MED25: variants seen among roughly 807,000 people sequenced by gnomAD.
MED25 encodes the protein mediator of RNA polymerase II transcription subunit 25.
A neutral mutation model predicts 89.4 loss-of-function variants in MED25; 62 were observed. The ratio of observed to expected loss-of-function variants is 0.69; its 90% CI spans 0.57 to 0.86. The LOEUF (loss-of-function observed/expected upper bound fraction) is 0.86, where lower values mean the gene tolerates loss of function less well. MED25 is among the 40% of genes least tolerant of loss of function. The pLI, the probability that MED25 is intolerant of heterozygous loss-of-function variation, is 0.00. For missense variants in MED25, 905 were observed against 1,005.2 expected (o/e 0.90, Z 1.35); for synonymous variants, 449 against 427.9 (o/e 1.05, Z -0.61).
In MED25 at chr19:49,829,223, C is replaced by T. The variant is rs115176498; in HGVS notation, c.525+133C>T. On this transcript the variant is annotated intron_variant, in intron 5 of 17. Transcript: ENST00000312865. This position sits in a 1 kb window ranked among gnomAD's most constrained non-coding sequence, Gnocchi z 4.6. ...GGGGGCCTGGACTCTTGGGTCTAAGCGGGGAGGCACTGGGGGCCTGGACTC... is the reference window on the plus strand; with the variant it reads ...GGGGGCCTGGACTCTTGGGTCTAAGTGGGGAGGCACTGGGGGCCTGGACTC... 452 of 757,210 alleles carry T rather than the reference C, an allele frequency of 6.0e-4. 2 individuals are homozygous for T. In the African/African-American group the frequency reaches 6.8e-3, roughly 11 times the overall value. 46.9% of individuals were successfully genotyped at this position (757,210 alleles called of 1,614,324 possible). A position where few individuals can be genotyped will look rare whatever the true frequency, so the allele number is the denominator to read the frequency against.
chr19:49,830,417 T>A lies in MED25; in HGVS notation c.820-94T>A. ...GAGCTAAGCTATCCCAGCTGGTGCC[T>A]CATGGGGCCATGGGTGGTGTGACCT... On this transcript the variant is annotated intron_variant, in intron 7 of 17. Transcript: ENST00000312865. This position sits in a 1 kb window ranked among gnomAD's most constrained non-coding sequence, Gnocchi z 4.6. The A allele has an allele frequency of 7.4e-7, 1 of 1,342,776 alleles. No homozygotes were observed. The highest frequency in any genetic ancestry group is 1.1e-6 in the Non-Finnish European group (1 of 944,394). The allele number at this position is 1,342,776 out of a possible 1,614,324, so 83.2% of individuals were successfully genotyped here.
rs777821434 is a variant in MED25 at position 49,819,163 on chromosome 19, C to T, written c.181-9C>T. 9 of 1,614,002 alleles carry T rather than the reference C, an allele frequency of 5.6e-6. No homozygotes were observed. In the Admixed American group the frequency reaches 6.7e-5, roughly 12 times the overall value. On this transcript the variant is annotated splice_polypyrimidine_tract_variant and intron_variant, in intron 2 of 17. Transcript: ENST00000312865. ...CCCAGATTAAAAGTTTTCTGTCCTC[C>T]CCTCCCAGTATGGGGGGACCCAGTA...
At position 49,829,883 on chromosome 19, in the gene MED25, A is replaced by G; in HGVS notation, c.623A>G (p.Gln208Arg). ...AAPPALLEPL[Q>R]PPTDVSQDPR... is the part of the protein sequence containing the mutation. ...CCCCCGGCCTTGCTGGAGCCGCTGC[A>G]GCCTCCGACAGATGTGAGCCAGGAC... Residue 208 changes from glutamine to arginine, a missense_variant, in exon 6 of 18, where the codon CAG becomes CGG. Gln to Arg is a conservative substitution (Grantham distance 43). Around this residue, in one of 3 missense-constraint regions of MED25, gnomAD observed 501 missense variants for 526.9 expected, o/e 0.95. Transcript: ENST00000312865. The surrounding 1 kb of genome is among the most constrained non-coding windows in gnomAD (Gnocchi z 4.6). 2 of 1,613,022 alleles carry G rather than the reference A, an allele frequency of 1.2e-6. No homozygotes were observed. The highest frequency in any genetic ancestry group is 1.7e-6 in the Non-Finnish European group (2 of 1,179,892).
In MED25 at chr19:49,829,190, G is replaced by A. The variant is rs2074035833; in HGVS notation, c.525+100G>A. ...GCCTGGACTCCTGGGTCTGAGGGAG[G>A]AGGCACTGGGGGCCTGGACTCTTGG... On this transcript the variant is annotated intron_variant, in intron 5 of 17. Transcript: ENST00000312865. This position sits in a 1 kb window ranked among gnomAD's most constrained non-coding sequence, Gnocchi z 4.6. The A allele has an allele frequency of 5.6e-6, 6 of 1,074,992 alleles. No homozygotes were observed. The South Asian group carries it at 8.0e-5, about 14-fold the overall frequency. The allele number at this position is 1,074,992 out of a possible 1,614,324, so 66.6% of individuals were successfully genotyped here.
At chr19:49,826,884 G>A (rs958920850) in intron 3 of MED25, among the ~76,000 whole-genome samples, 1 of 152,182 alleles carries the variant, frequency 6.6e-6, no homozygotes, top group Non-Finnish European at 1.5e-5. Context: ...AGATGGACGG[G>A]GTGCAGGACT....
At chr19:49,819,992 A>ATTTTT (rs34513218) in intron 3 of MED25, 1 of 140,076 alleles carries the variant, frequency 7.1e-6, no homozygotes. Context: ...TGCCCAGCTA[A>ATTTTT]TTTTTTTTTT....
Position 49,831,759 on chromosome 19 carries a change from C to G in MED25, c.1231-177C>G, listed in dbSNP as rs1050660764. ...GATGGTGGGATTTAGGGGCCGGGCA[C>G]GTAGCTGTAACATTTGAGGAACTGA... On this transcript the variant is annotated intron_variant, in intron 10 of 17. Coordinates refer to ENST00000312865, the MANE Select transcript of MED25 (RefSeq NM_030973.4). The surrounding 1 kb of genome is among the most constrained non-coding windows in gnomAD (Gnocchi z 5.0). 1.3e-5 allele frequency among the ~76,000 whole-genome samples: 2 copies of G among 151,858 alleles called. No individual in the cohort carries two copies. The highest frequency in any genetic ancestry group is 3.9e-4 in the East Asian group (2 of 5,180).
rs2074060376 is a variant in MED25, at chr19:49,831,946, C to T, written c.1241C>T (p.Pro414Leu). The T allele has an allele frequency of 1.2e-6, 2 of 1,614,124 alleles. No homozygotes were observed. The highest frequency in any genetic ancestry group is 2.2e-5 in the East Asian group (1 of 44,878). The change falls in exon 11 of 18, where the codon CCT becomes CTT. Residue 414 changes from proline (P) to leucine (L), a missense_variant. By Grantham distance (98) the Pro-to-Leu change is moderately conservative. This residue lies in a region of MED25 where 133 missense variants were observed against 220.2 expected (regional missense o/e 0.60). Transcript: ENST00000312865. This position sits in a 1 kb window ranked among gnomAD's most constrained non-coding sequence, Gnocchi z 5.0. ...GVLEWQEKPK[P>L]ASVDANTKLT... is the part of the protein sequence containing the mutation. ...TTTTTTCCCCCTCAGAAACCCAAAC[C>T]TGCCTCAGTGGATGCCAACACCAAG...
chr19:49,835,003 C>T lies in MED25; in HGVS notation c.1500C>T (p.Phe500=), dbSNP rs2074084873. 8 of 1,614,066 alleles carry T rather than the reference C, an allele frequency of 5.0e-6. No homozygotes were observed. Among genetic ancestry groups the T allele is most frequent in the Non-Finnish European group, 6.8e-6 (8 of 1,180,004 alleles). The change falls in exon 14 of 18, where the codon TTC becomes TTT. Residue 500 remains phenylalanine (F), a synonymous_variant. Transcript: ENST00000312865. This position sits in a 1 kb window ranked among gnomAD's most constrained non-coding sequence, Gnocchi z 6.2. ...MGNGFAGCVH[F]PHTAPCEVRV... ...CCACCCAGGCGGGCTGCGTGCACTT[C>T]CCCCACACGGCGCCCTGTGAGGTGC...
chr19:49,832,585 T>C (rs1568624258), intron 13 of MED25, among the ~76,000 whole-genome samples, 170 bp downstream of exon 13: 1 of 152,306 alleles, frequency 6.6e-6, no homozygotes, highest in East Asian at 1.9e-4. Context: ...ACTTTTATTA[T>C]AATCATCGTA....
Position 49,822,797 on chromosome 19 carries a change from G to A in MED25, c.305+3501G>A, listed in dbSNP as rs562461416. On this transcript the variant is annotated intron_variant, in intron 3 of 17. Coordinates refer to ENST00000312865, the MANE Select transcript of MED25 (RefSeq NM_030973.4). ...TGAGTAGCTGGGACTACAGGTGCCC[G>A]CCACCACACCCAGCTAATTTTTTGT... Among the ~76,000 whole-genome samples the A allele has an allele frequency of 6.2e-4, 93 of 151,072 alleles. 1 individual carries two copies. Among genetic ancestry groups the A allele is most frequent in the African/African-American group, 1.8e-3 (72 of 41,100 alleles).
intron 3 of MED25, among the ~76,000 whole-genome samples, chr19:49,825,404 A>G (rs117082545): frequency 0.02 from 3,096 of 151,792 alleles, 79 homozygotes; most frequent in South Asian, 0.12. Flanking sequence ...ACCCACCACC[A>G]TGTCTGGCTG....
rs1420911973 is a variant in MED25, at chr19:49,830,533, C to T, written c.842C>T (p.Ala281Val). 4 of 1,614,134 alleles carry T rather than the reference C, an allele frequency of 2.5e-6. No homozygotes were observed. The highest frequency in any genetic ancestry group is 3.4e-6 in the Non-Finnish European group (4 of 1,180,010). Residue 281 changes from alanine (A) to valine (V), a missense_variant, in exon 8 of 18, where the codon GCT (alanine) becomes GTT (valine). Around this residue, in one of 3 missense-constraint regions of MED25, gnomAD observed 501 missense variants for 526.9 expected, o/e 0.95. Coordinates refer to ENST00000312865, the MANE Select transcript of MED25 (RefSeq NM_030973.4). The surrounding 1 kb of genome is among the most constrained non-coding windows in gnomAD (Gnocchi z 4.6). The stretch of plus-strand genomic sequence containing the variant: ...CAGGTTCCCGGGAACCTGAGTGCAG[C>T]TCAGGTGGCCGCGCAGAATGCAGTG... ...QYQVPGNLSA[A>V]QVAAQNAVEA... is the part of the protein sequence containing the mutation.
At position 49,835,037 on chromosome 19, in the gene MED25, A is replaced by G. The variant is rs1364236234; in HGVS notation, c.1534A>G (p.Met512Val). The G allele has an allele frequency of 6.2e-7, 1 of 1,614,028 alleles. No homozygotes were observed. ...GGCGCCCTGTGAGGTGCGCGTGCTCATGCTCCTGTACTCGTCCAAGAAGAA... is the reference window on the plus strand; with the variant it reads ...GGCGCCCTGTGAGGTGCGCGTGCTCGTGCTCCTGTACTCGTCCAAGAAGAA... Reference protein sequence around the residue: ...HTAPCEVRVLMLLYSSKKKIF... With the variant: ...HTAPCEVRVLVLLYSSKKKIF... Residue 512 changes from methionine (M) to valine (V), a missense_variant, in exon 14 of 18, where the codon ATG becomes GTG. By Grantham distance (21) the Met-to-Val change is conservative (BLOSUM62 1). Transcript: ENST00000312865. The surrounding 1 kb of genome is among the most constrained non-coding windows in gnomAD (Gnocchi z 6.2).
chr19:49,829,894 G>A lies in MED25; in HGVS notation c.634G>A (p.Asp212Asn), dbSNP rs765386229. 6.2e-7 allele frequency: 1 copy of A among 1,613,432 alleles called. No individual in the cohort carries two copies. Among genetic ancestry groups the A allele is most frequent in the South Asian group, 1.1e-5 (1 of 91,078 alleles). Residue 212 changes from aspartate (D) to asparagine (N), a missense_variant, in exon 6 of 18, where the codon GAT (aspartate) becomes AAT (asparagine). Asp to Asn is a conservative substitution (Grantham distance 23). This residue lies in a region of MED25 where 501 missense variants were observed against 526.9 expected (regional missense o/e 0.95). Transcript: ENST00000312865. The surrounding 1 kb of genome is among the most constrained non-coding windows in gnomAD (Gnocchi z 4.6). ...GCTGGAGCCGCTGCAGCCTCCGACA[G>A]ATGTGAGCCAGGACCCGAGGCACAT... is the stretch of plus-strand genomic sequence containing the variant. ...ALLEPLQPPT[D>N]VSQDPRHMVL... is the part of the protein sequence containing the mutation.
chr19:49,818,524 GCA>G lies in MED25; in HGVS notation c.135-44_135-43del, dbSNP rs549638656. On this transcript the variant is annotated intron_variant, in intron 1 of 17. Transcript: ENST00000312865. ...AACCCCGCCCTCCCACTTCAGTTTC[GCA>G]CAGTTTCTTGCCTGACTCCGACCTT... is the stretch of plus-strand genomic sequence containing the variant. The G allele has an allele frequency of 2.8e-4, 444 of 1,614,178 alleles. 1 individual carries two copies. The highest frequency in any genetic ancestry group is 3.5e-4 in the Non-Finnish European group (409 of 1,180,028).
chr19:49,835,943 C>T lies in MED25; in HGVS notation c.1963C>T (p.Pro655Ser). Residue 655 changes from proline (P) to serine (S), a missense_variant and splice_region_variant, in exon 16 of 18, where the codon CCG becomes TCG. By Grantham distance (74) the Pro-to-Ser change is moderately conservative. Transcript: ENST00000312865. The surrounding 1 kb of genome is among the most constrained non-coding windows in gnomAD (Gnocchi z 6.2). ...GCGAAGCCTCCTCCTCAACCCACCA[C>T]CGGTGAGATGTTGGGGTGGGGTAGC... Reference protein sequence around the residue: ...QLRSLLLNPPPPQTGVPPPQA... With the variant: ...QLRSLLLNPPSPQTGVPPPQA... 1 of 1,612,894 alleles carries T rather than the reference C, an allele frequency of 6.2e-7. No individual in the cohort carries two copies. Among genetic ancestry groups the T allele is most frequent in the Non-Finnish European group, 8.5e-7 (1 of 1,179,968 alleles).
At chr19:49,818,855 C>A in intron 2 of MED25, 1 of 582,658 alleles carries the variant, frequency 1.7e-6, no homozygotes, top group East Asian at 3.0e-5. Context: ...GGGCCCAGAT[C>A]CCTGGGTCTG....
chr19:49,832,287 C>T (rs751694916), intron 12 of MED25, 21 bp from the exon 13 acceptor site: 9 of 1,568,686 alleles, frequency 5.7e-6, no homozygotes, highest in African/African-American at 5.4e-5. Context: ...GCATGCCAGC[C>T]GACTTCTGTG....
Sources: gnomAD v4.1 joint callset for allele counts (sites outside exome capture counted in the v4.1 genomes callset) on GRCh38, gnomAD v4.1.1 for gene constraint, gnomAD v4.1.1 regional missense constraint, Gnocchi (gnomAD v3.1) non-coding constraint, MANE v1.5 for transcripts, NCBI Gene and HGNC (gene_info 2026-07-23, HGNC 2026-07-21) for gene names.